CPM: variants seen among roughly 807,000 people sequenced by gnomAD.
CPM encodes carboxypeptidase M, also known as renal carboxypeptidase.
CPM carries 35 observed loss-of-function variants against 46.4 expected under a neutral mutation model. The observed-to-expected ratio is 0.75, with a 90% confidence interval of 0.58 to 1.00. The LOEUF is 1.00. CPM is among the 50% of genes least tolerant of loss of function. The probability of loss-of-function intolerance (pLI) is 0.00; values close to 1 mark genes in which losing one functional copy is unlikely to be tolerated. For synonymous variants in CPM, 195 were observed against 195.3 expected (o/e 1.00, Z 0.01); for missense variants, 422 against 530.4 (o/e 0.80, Z 2.01).
chr12:68,892,758 C>T (rs1234205983), intron 2 of CPM, among the ~76,000 whole-genome samples: 1 of 152,104 alleles, frequency 6.6e-6, no homozygotes, highest in Non-Finnish European at 1.5e-5. Flanking sequence ...ATTCGGGAGG[C>T]TGAGGCTGAA....
intron 1 of CPM, among the ~76,000 whole-genome samples, chr12:68,962,012 A>G (rs1053161539): frequency 2.0e-5 from 3 of 152,012 alleles, no homozygotes; most frequent in Admixed American, 6.6e-5. Context: ...CATCCTGGCT[A>G]ACGCGGTGAA....
At position 68,851,308 on chromosome 12, in the gene CPM, T is replaced by C. The variant is rs975718147; in HGVS notation, c.*5129A>G. ...GTGCATTTTAATAAATTCTTAGTTA[T>C]AGTATTAAAGAAAGTGGCTGGGCGC... On this transcript the variant is annotated 3_prime_UTR_variant, in exon 9 of 9. Transcript: ENST00000551568. 10 of 152,564 alleles carry C rather than the reference T, an allele frequency of 6.6e-5. No individual in the cohort carries two copies. Among genetic ancestry groups the C allele is most frequent in the African/African-American group, 2.2e-4 (9 of 41,522 alleles). 9.5% of individuals were successfully genotyped at this position (152,564 alleles called of 1,614,324 possible).
intron 2 of CPM, among the ~76,000 whole-genome samples, chr12:68,892,791 G>A (rs1293610835): frequency 2.0e-5 from 3 of 152,014 alleles, no homozygotes; most frequent in African/African-American, 7.3e-5. Context: ...CCCAGGAGGC[G>A]GAGGTTGCAC....
At chr12:68,909,566 G>A (rs1325008600) in intron 2 of CPM, among the ~76,000 whole-genome samples, 1 of 151,998 alleles carries the variant, frequency 6.6e-6, no homozygotes, top group Non-Finnish European at 1.5e-5. Flanking sequence ...ATTCACAATA[G>A]CAAAGACTTG....
intron 2 of CPM, among the ~76,000 whole-genome samples, chr12:68,923,519 G>A (rs912536024): frequency 6.6e-6 from 1 of 152,132 alleles, no homozygotes; most frequent in African/African-American, 2.4e-5. Context: ...TCTATCAGAT[G>A]ATGCCTCTTG....
intron 8 of CPM, among the ~76,000 whole-genome samples, chr12:68,858,695 T>A (rs1001628739): frequency 4.0e-5 from 6 of 151,608 alleles, no homozygotes; most frequent in Admixed American, 3.3e-4. Flanking sequence ...TTCCATTTTT[T>A]AAAAATTGCC....
chr12:68,890,123 T>G (rs764497134), intron 2 of CPM, among the ~76,000 whole-genome samples: 11 of 152,060 alleles, frequency 7.2e-5, no homozygotes, highest in Admixed American at 2.0e-4. Flanking sequence ...ACAAGAACCT[T>G]ACACTCAGGA....
chr12:68,932,926 C>G, intron 1 of CPM, 86 bp from the exon 2 acceptor site: 2 of 1,276,234 alleles, frequency 1.6e-6, no homozygotes, highest in East Asian at 2.3e-5. Context: ...ACTCCGGTCT[C>G]AGGGTCTCCC....
intron 1 of CPM, among the ~76,000 whole-genome samples, chr12:68,959,873 GTCTCTC>G (rs1449779608): frequency 2.0e-5 from 3 of 152,170 alleles, no homozygotes; most frequent in Non-Finnish European, 4.4e-5. Flanking sequence ...ATCCCCAGGC[GTCTCTC>G]CCAAAATCAG....
At chr12:68,925,191 A>G (rs1888208259) in intron 2 of CPM, among the ~76,000 whole-genome samples, 1 of 152,214 alleles carries the variant, frequency 6.6e-6, no homozygotes, top group African/African-American at 2.4e-5. Context: ...ATTTCCCAAG[A>G]AATTATAAAT....
At chr12:68,922,850 A>G (rs932927600) in intron 2 of CPM, among the ~76,000 whole-genome samples, 6 of 152,216 alleles carry the variant, frequency 3.9e-5, no homozygotes, top group African/African-American at 1.4e-4. Flanking sequence ...ACTATACAGT[A>G]TTACATTTAA....
chr12:68,955,925 A>C (rs1292206882), intron 1 of CPM, among the ~76,000 whole-genome samples: 2 of 152,102 alleles, frequency 1.3e-5, no homozygotes, highest in African/African-American at 2.4e-5. Flanking sequence ...CTGAAAGCCG[A>C]GCCCCCAGGC....
At chr12:68,869,301 T>G (rs766535103) in intron 6 of CPM, 24 bp downstream of exon 6, 2 of 1,605,124 alleles carry the variant, frequency 1.2e-6, no homozygotes, top group Non-Finnish European at 1.7e-6. Context: ...ATAAGGAGAA[T>G]GGAAGAAATG....
At chr12:68,897,568 T>C (rs1886926834) in intron 2 of CPM, among the ~76,000 whole-genome samples, 1 of 152,014 alleles carries the variant, frequency 6.6e-6, no homozygotes, top group African/African-American at 2.4e-5. Flanking sequence ...AAACCTCGTC[T>C]CTACTAAAGT....
At chr12:68,928,945 C>T (rs868282519) in intron 2 of CPM, among the ~76,000 whole-genome samples, 5 of 150,292 alleles carry the variant, frequency 3.3e-5, no homozygotes, top group African/African-American at 1.2e-4. Flanking sequence ...TGGAGTCTCC[C>T]ATGTTGCCTA....
At chr12:68,958,415 T>G (rs1889060622) in intron 1 of CPM, among the ~76,000 whole-genome samples, 1 of 152,078 alleles carries the variant, frequency 6.6e-6, no homozygotes, top group African/African-American at 2.4e-5. Context: ...CTCAAACCCC[T>G]TCCACTCAGT....
chr12:68,892,306 T>C (rs1886688867), intron 2 of CPM, among the ~76,000 whole-genome samples: 1 of 152,188 alleles, frequency 6.6e-6, no homozygotes, highest in Admixed American at 6.5e-5. Context: ...GTCTCCCCTC[T>C]GGGGAGAACT....
chr12:68,889,649 T>G (rs1350016645), intron 2 of CPM, among the ~76,000 whole-genome samples: 1 of 151,998 alleles, frequency 6.6e-6, no homozygotes, highest in African/African-American at 2.4e-5. Context: ...GGCAACACAG[T>G]GTGATGCCAT....
At chr12:68,883,757 A>G (rs1886301365) in intron 3 of CPM, among the ~76,000 whole-genome samples, 1 of 152,048 alleles carries the variant, frequency 6.6e-6, no homozygotes, top group African/African-American at 2.4e-5. Flanking sequence ...TGCCAGCAAT[A>G]AAAAAACTAC....
Sources: allele counts gnomAD v4.1 joint callset (sites outside exome capture counted in the v4.1 genomes callset), GRCh38; gene constraint gnomAD v4.1.1; transcripts MANE v1.5; gene names NCBI Gene and HGNC (gene_info 2026-07-23, HGNC 2026-07-21).